The following TRMT11 variants were observed in gnomAD, a reference collection of about 807,000 sequenced individuals.
The protein encoded by TRMT11 is tRNA (guanine(10)-N(2))-methyltransferase TRMT11.
TRMT11 carries 53 observed loss-of-function variants against 62.8 expected under a neutral mutation model. That is an observed-to-expected ratio of 0.84 (90% CI 0.68 to 1.06). The LOEUF (loss-of-function observed/expected upper bound fraction) is 1.06. Ranked by LOEUF, TRMT11 falls within the 50% of genes least tolerant of loss-of-function variation. The pLI, the probability that TRMT11 is intolerant of heterozygous loss-of-function variation, is 0.00. For synonymous variants in TRMT11, 188 were observed against 190.3 expected (o/e 0.99, Z 0.10); for missense variants, 556 against 553.4 (o/e 1.00, Z -0.05).
At chr6:126,150,571 G>A (rs1286955612) in intron 21 of TRMT11, among the ~76,000 whole-genome samples, 2 of 152,164 alleles carry the variant, frequency 1.3e-5, no homozygotes, top group Non-Finnish European at 2.9e-5. Context: ...AGTAATACTT[G>A]TGAATACGAG....
At chr6:126,155,985 C>G (rs1359582286) in intron 21 of TRMT11, among the ~76,000 whole-genome samples, 1 of 152,178 alleles carries the variant, frequency 6.6e-6, no homozygotes, top group East Asian at 1.9e-4. Context: ...CTCAGCCTCC[C>G]AAAGTGCTGG....
chr6:126,191,464 C>CTTTTTTT (rs77414207), intron 1 of TRMT11, among the ~76,000 whole-genome samples: 59 of 102,360 alleles, frequency 5.8e-4, no homozygotes, highest in African/African-American at 9.8e-4. Flanking sequence ...TCCTACTTGT[C>CTTTTTTT]TTTTTTTTTT....
rs949425198 is a variant in TRMT11 at position 126,113,519 on chromosome 6, A to G, written c.*1526+565A>G. Among the ~76,000 whole-genome samples the G allele has an allele frequency of 3.3e-5, 5 of 152,230 alleles. No homozygotes were observed. The South Asian group carries it at 6.2e-4, about 19-fold the overall frequency. On this transcript the variant is annotated intron_variant and NMD_transcript_variant, in intron 18 of 22. Transcript: ENST00000648977. ...ATACATGAGAGACTGAGTTGATTCT[A>G]TAGCCTAACTGGAATTTATTCATTC...
At chr6:126,008,286 G>T (rs1174655537) in intron 7 of TRMT11, 106 bp from the exon 8 acceptor site, 2 of 941,914 alleles carry the variant, frequency 2.1e-6, no homozygotes. Context: ...TGTCATTCCA[G>T]GATACTCTGC....
intron 16 of TRMT11, among the ~76,000 whole-genome samples, chr6:126,051,607 C>G (rs1203732248): frequency 6.6e-6 from 1 of 152,078 alleles, no homozygotes; most frequent in African/African-American, 2.4e-5. Flanking sequence ...GGTTAGAGAA[C>G]AGTGGTAGTA....
intron 17 of TRMT11, among the ~76,000 whole-genome samples, chr6:126,081,468 G>A (rs1392280795): frequency 6.6e-6 from 1 of 152,182 alleles, no homozygotes; most frequent in African/African-American, 2.4e-5. Context: ...TAAGCAGAAA[G>A]TAGTGCATCA....
intron 21 of TRMT11, among the ~76,000 whole-genome samples, chr6:126,146,058 G>C (rs1374694102): frequency 6.6e-6 from 1 of 152,132 alleles, no homozygotes; most frequent in African/African-American, 2.4e-5. Context: ...AATCCTGGGA[G>C]AACTTAACCT....
intron 17 of TRMT11, among the ~76,000 whole-genome samples, chr6:126,069,959 G>GAT (rs1776804475): frequency 6.6e-6 from 1 of 151,422 alleles, no homozygotes; most frequent in African/African-American, 2.4e-5. Flanking sequence ...GAAGAGTTAA[G>GAT]ATATGGCTAC....
chr6:126,215,275 G>A, the TRMT11 span, among the ~76,000 whole-genome samples: 1 of 152,018 alleles, frequency 6.6e-6, no homozygotes, highest in Non-Finnish European at 1.5e-5. Flanking sequence ...GTCCAATGCT[G>A]AAAGTGGGGT....
intron 21 of TRMT11, among the ~76,000 whole-genome samples, chr6:126,154,801 G>T (rs761007774): frequency 1.9e-4 from 29 of 152,130 alleles, no homozygotes; most frequent in Non-Finnish European, 3.7e-4. Context: ...TGGCCCAGTG[G>T]TGCCTGGGCT....
intron 11 of TRMT11, among the ~76,000 whole-genome samples, chr6:126,014,905 C>T (rs1794755994): frequency 1.3e-5 from 2 of 151,956 alleles, no homozygotes; most frequent in African/African-American, 2.4e-5. Flanking sequence ...TCACTTAATT[C>T]GACATCCTGC....
At chr6:126,228,308 G>A in the TRMT11 span, among the ~76,000 whole-genome samples, 3 of 152,192 alleles carry the variant, frequency 2.0e-5, 1 homozygote, top group South Asian at 6.2e-4. Context: ...CCAGTGTCAG[G>A]GACAGATTGA....
chr6:126,225,864 A>G, the TRMT11 span, among the ~76,000 whole-genome samples: 1 of 151,398 alleles, frequency 6.6e-6, no homozygotes, highest in East Asian at 1.9e-4. Context: ...TAATTTTTGT[A>G]TTTTTAGTAC....
intron 21 of TRMT11, among the ~76,000 whole-genome samples, chr6:126,153,903 G>C (rs928411116): frequency 6.6e-6 from 1 of 152,244 alleles, no homozygotes; most frequent in South Asian, 2.1e-4. Flanking sequence ...CCAATGTGCA[G>C]CCAGAATTCC....
intron 11 of TRMT11, among the ~76,000 whole-genome samples, chr6:126,020,246 C>T (rs1795625054): frequency 6.6e-6 from 1 of 152,094 alleles, no homozygotes; most frequent in Admixed American, 6.5e-5. Flanking sequence ...GTGCAGACAC[C>T]ATCCAAAAAG....
At chr6:126,170,969 G>A (rs1421907355) in intron 21 of TRMT11, among the ~76,000 whole-genome samples, 1 of 152,118 alleles carries the variant, frequency 6.6e-6, no homozygotes, top group Admixed American at 6.6e-5. Flanking sequence ...CTCTGGGGAT[G>A]GTATTTTTTA....
At chr6:126,040,967 C>G (rs997571003), downstream of TRMT11, among the ~76,000 whole-genome samples, 1 of 152,120 alleles carries the variant, frequency 6.6e-6, no homozygotes, top group Non-Finnish European at 1.5e-5. Context: ...TCAGCCACTT[C>G]CTGCCCAGGG....
At chr6:126,031,780 A>T (rs1346638824) in intron 12 of TRMT11, among the ~76,000 whole-genome samples, 1 of 152,138 alleles carries the variant, frequency 6.6e-6, no homozygotes, top group Non-Finnish European at 1.5e-5. Flanking sequence ...GCAAGCCCAT[A>T]GGGATGTTTG....
At chr6:126,213,321 T>A in the TRMT11 span, among the ~76,000 whole-genome samples, 1,908 of 152,148 alleles carry the variant, frequency 0.013, 17 homozygotes, top group Non-Finnish European at 0.02. Flanking sequence ...GTCATTGGTA[T>A]TTTTATAGGA....
Sources: gnomAD v4.1 joint callset for allele counts (sites outside exome capture counted in the v4.1 genomes callset) on GRCh38, gnomAD v4.1.1 for gene constraint, MANE v1.5 for transcripts, NCBI Gene and HGNC (gene_info 2026-07-23, HGNC 2026-07-21) for gene names.